Variants in ADGRF5 observed in about 807,000 individuals in gnomAD.
ADGRF5 encodes G-protein coupled receptor 116.
In ADGRF5, 75 loss-of-function variants were observed where a neutral mutation model predicts 132.3. That is an observed-to-expected ratio of 0.57 (90% CI 0.47 to 0.69). The LOEUF is 0.69. Ranked by LOEUF, ADGRF5 falls within the 30% of genes least tolerant of loss-of-function variation. ADGRF5 has a pLI of 0.00. For synonymous variants in ADGRF5, 629 were observed against 597.6 expected (o/e 1.05, Z -0.77); for missense variants, 1,516 against 1,630.6 (o/e 0.93, Z 1.21).
chr6:46,954,066 C>T (rs1441360196), intron 1 of ADGRF5, among the ~76,000 whole-genome samples: 1 of 151,850 alleles, frequency 6.6e-6, no homozygotes, highest in Non-Finnish European at 1.5e-5. Flanking sequence ...ACAAGAGCAC[C>T]CAGCTAAGGA....
rs534265388 is a variant in ADGRF5, at chr6:46,858,378, G to A, written c.3525C>T (p.Phe1175=). 119 of 1,613,854 alleles carry A rather than the reference G, an allele frequency of 7.4e-5. 1 individual carries two copies. The highest frequency in any genetic ancestry group is 3.0e-4 in the Admixed American group (18 of 59,994). Residue 1175 remains phenylalanine (F), a synonymous_variant, in exon 17 of 21, where the codon TTC becomes TTT. Coordinates refer to ENST00000283296, the MANE Select transcript of ADGRF5 (RefSeq NM_001098518.2). ...NWEDTKALLA[F]AIPALIIVVV... is the part of the protein sequence containing the mutation. ...CCACAATGATCAGTGCTGGGATGGCGAAAGCCAGCAGGGCCTTGGTGTCCT... is the reference window on the plus strand; with the variant it reads ...CCACAATGATCAGTGCTGGGATGGCAAAAGCCAGCAGGGCCTTGGTGTCCT...
chr6:46,915,987 T>C (rs1316470140), intron 1 of ADGRF5, among the ~76,000 whole-genome samples: 1 of 152,130 alleles, frequency 6.6e-6, no homozygotes, highest in Non-Finnish European at 1.5e-5. Flanking sequence ...CCCGAGCTTA[T>C]GCCTTTTCTC....
intron 4 of ADGRF5, among the ~76,000 whole-genome samples, chr6:46,885,899 T>C (rs1335765291): frequency 6.6e-6 from 1 of 152,242 alleles, no homozygotes; most frequent in Non-Finnish European, 1.5e-5. Flanking sequence ...ATAAATACAA[T>C]GATTTAAAAA....
intron 9 of ADGRF5, among the ~76,000 whole-genome samples, chr6:46,879,265 A>G (rs1412387393): frequency 1.3e-5 from 2 of 152,030 alleles, no homozygotes; most frequent in Non-Finnish European, 2.9e-5. Flanking sequence ...GAATTTTAAA[A>G]TTAATTAACA....
At chr6:46,917,633 T>C (rs936977966) in intron 1 of ADGRF5, among the ~76,000 whole-genome samples, 1 of 152,170 alleles carries the variant, frequency 6.6e-6, no homozygotes, top group Non-Finnish European at 1.5e-5. Context: ...ATAAATATTG[T>C]TTGTTATTTC....
chr6:46,875,824 G>T (rs1771596173), intron 10 of ADGRF5, among the ~76,000 whole-genome samples: 1 of 151,960 alleles, frequency 6.6e-6, no homozygotes, highest in South Asian at 2.1e-4. Flanking sequence ...AAAAAAACCA[G>T]AGTTGAATAC....
At chr6:46,912,538 T>C (rs1776041409) in intron 1 of ADGRF5, among the ~76,000 whole-genome samples, 1 of 152,162 alleles carries the variant, frequency 6.6e-6, no homozygotes, top group Admixed American at 6.5e-5. Context: ...GGAGGACTTG[T>C]CATTGCAACA....
chr6:46,912,083 T>C (rs146406682), intron 1 of ADGRF5, among the ~76,000 whole-genome samples: 152 of 152,292 alleles, frequency 1.0e-3, no homozygotes, highest in African/African-American at 3.5e-3. Context: ...TCTGGTATGA[T>C]ATAAAATTAA....
chr6:46,935,381 G>C (rs1777768501), intron 1 of ADGRF5, among the ~76,000 whole-genome samples: 1 of 152,140 alleles, frequency 6.6e-6, no homozygotes. Flanking sequence ...CTTGTTGCCT[G>C]CACTTGAGGG....
rs1299371406 is a variant in ADGRF5, at chr6:46,871,826, C to G, written c.1411+17G>C. The G allele has an allele frequency of 6.4e-7, 1 of 1,553,324 alleles. No individual in the cohort carries two copies. Among genetic ancestry groups the G allele is most frequent in the Non-Finnish European group, 8.8e-7 (1 of 1,137,496 alleles). On this transcript the variant is annotated intron_variant, in intron 11 of 20. Transcript: ENST00000283296. ...TGGAACCTATTTATGGCTAAAAATGCTAGGGAGAGTCCTTACCCACAGAGA... is the reference window on the plus strand; with the variant it reads ...TGGAACCTATTTATGGCTAAAAATGGTAGGGAGAGTCCTTACCCACAGAGA...
chr6:46,945,709 C>A (rs1040393339), intron 1 of ADGRF5, among the ~76,000 whole-genome samples: 1 of 152,172 alleles, frequency 6.6e-6, no homozygotes, highest in Non-Finnish European at 1.5e-5. Flanking sequence ...GTTTACTTGA[C>A]AAATGTATTA....
upstream of ADGRF5, among the ~76,000 whole-genome samples, chr6:46,924,620 G>C (rs1777161324): frequency 1.3e-5 from 2 of 152,050 alleles, no homozygotes; most frequent in East Asian, 3.9e-4. Flanking sequence ...CTGAATTCCT[G>C]ACCCACGTAT....
At chr6:46,924,235 G>C (rs961508507), upstream of ADGRF5, among the ~76,000 whole-genome samples, 1 of 152,082 alleles carries the variant, frequency 6.6e-6, no homozygotes, top group Non-Finnish European at 1.5e-5. Context: ...CTCCCAGCCT[G>C]AGCCAAGTAT....
At chr6:46,866,883 G>C in intron 13 of ADGRF5, 42 bp downstream of exon 13, 1 of 1,254,498 alleles carries the variant, frequency 8.0e-7, no homozygotes, top group Non-Finnish European at 1.2e-6. Context: ...CTCCACATAT[G>C]TGAAATAATA....
intron 1 of ADGRF5, among the ~76,000 whole-genome samples, chr6:46,927,367 A>G (rs1777305868): frequency 1.3e-5 from 2 of 152,124 alleles, no homozygotes; most frequent in Admixed American, 6.6e-5. Flanking sequence ...ATTAAAGTTG[A>G]AAGGCTTAAC....
intron 4 of ADGRF5, among the ~76,000 whole-genome samples, chr6:46,887,503 T>C (rs1461422722): frequency 1.3e-5 from 2 of 152,146 alleles, no homozygotes; most frequent in Non-Finnish European, 2.9e-5. Context: ...GGAAATGGCA[T>C]CCAAAAGGAG....
In ADGRF5 at chr6:46,897,159, C is replaced by T. The variant is rs1478943996; in HGVS notation, c.157+2870G>A. ...ATGCATATATATACACACACACACA[C>T]ACACACACACACACACACATATAAA... On this transcript the variant is annotated intron_variant, in intron 3 of 20. Transcript: ENST00000283296. Among the ~76,000 whole-genome samples, 1,020 of 151,532 alleles carry T rather than the reference C, an allele frequency of 6.7e-3. 13 individuals are homozygous for T. Among genetic ancestry groups the T allele is most frequent in the African/African-American group, 0.024 (974 of 41,236 alleles).
intron 1 of ADGRF5, among the ~76,000 whole-genome samples, chr6:46,939,907 A>G (rs189894309): frequency 6.6e-6 from 1 of 152,340 alleles, no homozygotes; most frequent in East Asian, 1.9e-4. Context: ...GACTACTAGA[A>G]TGATTATAAA....
At chr6:46,943,158 A>G (rs1383191946) in intron 1 of ADGRF5, among the ~76,000 whole-genome samples, 1 of 152,176 alleles carries the variant, frequency 6.6e-6, no homozygotes, top group Non-Finnish European at 1.5e-5. Context: ...ATACAAAAAA[A>G]AAAACAAGCA....
Sources: allele counts gnomAD v4.1 joint callset (sites outside exome capture counted in the v4.1 genomes callset), GRCh38; gene constraint gnomAD v4.1.1; transcripts MANE v1.5; gene names NCBI Gene and HGNC (gene_info 2026-07-23, HGNC 2026-07-21).